PPP1R13B: variants seen among roughly 807,000 people sequenced by gnomAD.
PPP1R13B encodes the protein protein phosphatase 1 regulatory subunit 13B.
PPP1R13B carries 44 observed loss-of-function variants against 119.8 expected under a neutral mutation model. The observed-to-expected ratio is 0.37, with a 90% CI of 0.29 to 0.47. The LOEUF (loss-of-function observed/expected upper bound fraction) is 0.47, where lower values mean the gene tolerates loss of function less well. Among genes scored for constraint, PPP1R13B ranks in the 20% least tolerant of loss-of-function variants. The pLI is 0.99. For missense variants in PPP1R13B, 1,227 were observed against 1,413.5 expected, an observed-to-expected ratio of 0.87 and a Z score of 2.12; for synonymous variants, 542 against 561.5, an observed-to-expected ratio of 0.97 and a Z score of 0.49.
chr14:103,744,661 G>A (rs1265784432), intron 9 of PPP1R13B, among the ~76,000 whole-genome samples: 3 of 152,222 alleles, frequency 2.0e-5, no homozygotes, highest in South Asian at 2.1e-4. Flanking sequence ...AATTAGGCCC[G>A]ACGTCGAGGT....
chr14:103,758,958 CT>C (rs10712106), intron 4 of PPP1R13B, among the ~76,000 whole-genome samples: 43,498 of 144,664 alleles, frequency 0.3, 6,355 homozygotes, highest in Non-Finnish European at 0.34. Flanking sequence ...ATTTAACAGT[CT>C]TTTTTTTTTT....
intron 12 of PPP1R13B, chr14:103,739,266 C>A (rs1039876794): frequency 6.0e-6 from 3 of 501,574 alleles, no homozygotes; most frequent in Admixed American, 6.7e-5. Flanking sequence ...CAGAGGGACA[C>A]GGCTGTGTTT....
intron 4 of PPP1R13B, among the ~76,000 whole-genome samples, chr14:103,776,343 G>T (rs2085195257): frequency 6.6e-6 from 1 of 152,026 alleles, no homozygotes; most frequent in South Asian, 2.1e-4. Context: ...TATGAGGTAG[G>T]GTCACAAATA....
rs2085881771 is a variant in PPP1R13B, at chr14:103,800,760, T to C, written c.10-3242A>G. On this transcript the variant is annotated intron_variant, in intron 1 of 16. Transcript: ENST00000202556. Reference sequence around the variant, plus strand: ...CATCTTTACATCTATGGTCAGATTTTATGTAACCAAAATTGATAACAGCTT... The same window carrying C: ...CATCTTTACATCTATGGTCAGATTTCATGTAACCAAAATTGATAACAGCTT... Among the ~76,000 whole-genome samples, 3 of 152,252 alleles carry C rather than the reference T, an allele frequency of 2.0e-5. No individual in the cohort carries two copies. The South Asian group carries it at 6.2e-4, about 31-fold the overall frequency.
At chr14:103,785,652 C>A (rs532473314) in intron 2 of PPP1R13B, among the ~76,000 whole-genome samples, 34 of 151,714 alleles carry the variant, frequency 2.2e-4, no homozygotes, top group African/African-American at 8.2e-4. Context: ...GCTGGGATTA[C>A]AGGTGCCCAC....
chr14:103,844,275 A>T lies in PPP1R13B; in HGVS notation c.9+3024T>A, dbSNP rs147709802. Among the ~76,000 whole-genome samples the T allele has an allele frequency of 2.5e-3, 366 of 145,112 alleles. 2 individuals carry two copies. Among genetic ancestry groups the T allele is most frequent in the African/African-American group, 8.6e-3 (344 of 40,020 alleles). On this transcript the variant is annotated intron_variant, in intron 1 of 16. Transcript: ENST00000202556. The stretch of plus-strand genomic sequence containing the variant: ...GGAGTGAAACCCTGTCTCGAAAAAT[A>T]AAAAAAAAAAGAAGGTGGAAAGTCA...
In PPP1R13B at chr14:103,809,103, G is replaced by A. The variant is rs183290440; in HGVS notation, c.10-11585C>T. Among the ~76,000 whole-genome samples the A allele has an allele frequency of 8.5e-5, 13 of 152,088 alleles. No homozygotes were observed. In the South Asian group the frequency reaches 1.9e-3, roughly 22 times the overall value. ...AACTCCTGGGCTCAATTATCCTCCC[G>A]CCTTGGCCTCCCAAAGTGCTGGGAT... On this transcript the variant is annotated intron_variant, in intron 1 of 16. Coordinates refer to ENST00000202556, the MANE Select transcript of PPP1R13B (RefSeq NM_015316.3).
Position 103,740,453 on chromosome 14 carries a change from C to G in PPP1R13B, c.1963G>C (p.Ala655Pro). 6.2e-7 allele frequency: 1 copy of G among 1,607,146 alleles called. No homozygotes were observed. The highest frequency in any genetic ancestry group is 8.5e-7 in the Non-Finnish European group (1 of 1,175,600). Reference sequence around the variant, plus strand: ...ACGGTGCTGCCATCTGCGGGGGCGGCGGGGCCATCCTGCTCAGGCTCTTTC... The same window carrying G: ...ACGGTGCTGCCATCTGCGGGGGCGGGGGGGCCATCCTGCTCAGGCTCTTTC... The part of the protein sequence containing the change: ...TEKEPEQDGP[A>P]APADGSTVES... The change falls in exon 12 of 17, where the codon GCC becomes CCC. Residue 655 changes from alanine (A) to proline (P), a missense_variant. Transcript: ENST00000202556. The surrounding 1 kb of genome is among the most constrained non-coding windows in gnomAD (Gnocchi z 4.6).
chr14:103,768,688 G>C (rs890827018), intron 4 of PPP1R13B, among the ~76,000 whole-genome samples: 9 of 151,986 alleles, frequency 5.9e-5, no homozygotes, highest in Admixed American at 5.9e-4. Context: ...GCCTGCCTCA[G>C]CCTCCCAAAG....
chr14:103,771,249 G>A (rs974387888), intron 4 of PPP1R13B, among the ~76,000 whole-genome samples: 8 of 152,066 alleles, frequency 5.3e-5, no homozygotes, highest in African/African-American at 1.9e-4. Flanking sequence ...TTCAGGAAAG[G>A]CCTGACTTTA....
At position 103,735,241 on chromosome 14, in the gene PPP1R13B, G is replaced by A. The variant is rs766175165; in HGVS notation, c.3232-46C>T. On this transcript the variant is annotated intron_variant, in intron 16 of 16. Coordinates refer to ENST00000202556, the MANE Select transcript of PPP1R13B (RefSeq NM_015316.3). ...GTCAGGACAGGAAGCCACACACAGG[G>A]AGCAGGGCCAGCCAGACCCGACCCC... 8 of 1,608,200 alleles carry A rather than the reference G, an allele frequency of 5.0e-6. No individual in the cohort carries two copies. The South Asian group carries it at 7.7e-5, about 15-fold the overall frequency.
intron 1 of PPP1R13B, chr14:103,818,637 G>A (rs1221592769): frequency 9.6e-6 from 3 of 312,984 alleles, no homozygotes; most frequent in Non-Finnish European, 1.4e-5. Flanking sequence ...TCACATTTGG[G>A]CAAGTTCCCA....
At chr14:103,827,546 T>C (rs1282960163) in intron 1 of PPP1R13B, among the ~76,000 whole-genome samples, 2 of 151,446 alleles carry the variant, frequency 1.3e-5, no homozygotes, top group Non-Finnish European at 2.9e-5. Context: ...TAGAAAGTTA[T>C]AGTATGATAT....
chr14:103,752,987 A>T lies in PPP1R13B; in HGVS notation c.828+13T>A. ...AATGTTTTAATACAACCATTGCCAGACCCAGGAGTTACCTGTAGTTCTTGG... is the reference window on the plus strand; with the variant it reads ...AATGTTTTAATACAACCATTGCCAGTCCCAGGAGTTACCTGTAGTTCTTGG... On this transcript the variant is annotated intron_variant, in intron 7 of 16. Transcript: ENST00000202556. 6.2e-7 allele frequency: 1 copy of T among 1,611,954 alleles called. No individual in the cohort carries two copies. Among genetic ancestry groups the T allele is most frequent in the Non-Finnish European group, 8.5e-7 (1 of 1,178,514 alleles).
chr14:103,737,489 T>G, intron 15 of PPP1R13B: 3 of 518,426 alleles, frequency 5.8e-6, no homozygotes, highest in Non-Finnish European at 9.7e-6. Flanking sequence ...AGTGGGAGGA[T>G]CAATTGAGCC....
At chr14:103,813,169 G>A (rs1041620483) in intron 1 of PPP1R13B, among the ~76,000 whole-genome samples, 1 of 151,988 alleles carries the variant, frequency 6.6e-6, no homozygotes, top group South Asian at 2.1e-4. Flanking sequence ...TTCAGTAGAT[G>A]AATGGATAAA....
intron 4 of PPP1R13B, chr14:103,764,011 C>A (rs2084876689): frequency 6.6e-6 from 1 of 152,224 alleles, no homozygotes; most frequent in Non-Finnish European, 1.5e-5. Context: ...ATTTGTTTAT[C>A]CATTCACCAG....
chr14:103,786,973 G>T (rs1170258652), intron 2 of PPP1R13B, among the ~76,000 whole-genome samples: 2 of 150,836 alleles, frequency 1.3e-5, no homozygotes, highest in African/African-American at 4.9e-5. Flanking sequence ...CTCCCAAAGT[G>T]CTGGGATTAC....
chr14:103,779,487 C>T (rs2085288755), intron 3 of PPP1R13B, among the ~76,000 whole-genome samples: 1 of 151,624 alleles, frequency 6.6e-6, no homozygotes. Context: ...TGGGGCTGGG[C>T]GAGGTGGCTC....
Sources: allele counts gnomAD v4.1 joint callset (sites outside exome capture counted in the v4.1 genomes callset), GRCh38; gene constraint gnomAD v4.1.1; non-coding constraint Gnocchi (gnomAD v3.1); transcripts MANE v1.5; gene names NCBI Gene and HGNC (gene_info 2026-07-23, HGNC 2026-07-21).